The following PVR variants were observed in gnomAD, a reference collection of about 807,000 sequenced individuals.
PVR encodes the protein PVR cell adhesion molecule, also known as poliovirus receptor.
A neutral mutation model predicts 43.3 loss-of-function variants in PVR; 39 were observed. The observed-to-expected ratio is 0.90, with a 90% CI of 0.70 to 1.18. PVR has a LOEUF of 1.18. Among genes scored for constraint, PVR ranks in the 50% most tolerant of loss-of-function variants. The pLI, the probability that PVR is intolerant of heterozygous loss-of-function variation, is 0.00. For synonymous variants in PVR, 224 were observed against 233.2 expected (o/e 0.96, Z 0.36); for missense variants, 480 against 549.7 (o/e 0.87, Z 1.27).
chr19:44,660,195 G>C (rs1305483663), intron 6 of PVR, among the ~76,000 whole-genome samples: 1 of 152,112 alleles, frequency 6.6e-6, no homozygotes, highest in Non-Finnish European at 1.5e-5. Flanking sequence ...CCTACCACTG[G>C]GCCGGGCATA....
chr19:44,655,926 G>A (rs942442449), intron 4 of PVR, among the ~76,000 whole-genome samples: 5 of 132,004 alleles, frequency 3.8e-5, no homozygotes, highest in South Asian at 2.4e-4. Flanking sequence ...CTGTAGTGCC[G>A]TGGCACAATC....
At chr19:44,645,939 G>A (rs923047627) in intron 1 of PVR, among the ~76,000 whole-genome samples, 1 of 152,084 alleles carries the variant, frequency 6.6e-6, no homozygotes, top group South Asian at 2.1e-4. Flanking sequence ...ATAGGACCTG[G>A]GGGATTAGAG....
chr19:44,661,950 G>A lies in PVR; in HGVS notation c.*139G>A. ...CTGTGCCAGACCTCAAAACGACGGG[G>A]GCAGGTGCAAGTTCATAGGTCTCCA... On this transcript the variant is annotated 3_prime_UTR_variant, in exon 8 of 8. Coordinates refer to ENST00000425690, the MANE Select transcript of PVR (RefSeq NM_006505.5). 2 of 736,902 alleles carry A rather than the reference G, an allele frequency of 2.7e-6. No individual in the cohort carries two copies. The highest frequency in any genetic ancestry group is 2.7e-5 in the East Asian group (1 of 37,100). The allele number at this position is 736,902 out of a possible 1,614,324, so 45.6% of individuals were successfully genotyped here. A position where few individuals can be genotyped will look rare whatever the true frequency, so the allele number is the denominator to read the frequency against.
intron 7 of PVR, 47 bp from the exon 8 acceptor site, chr19:44,661,693 T>G: frequency 6.4e-7 from 1 of 1,563,312 alleles, no homozygotes; most frequent in East Asian, 2.2e-5. Flanking sequence ...GATGTTTGAT[T>G]TTGTTCAAAA....
At chr19:44,644,204 C>T (rs1186468484) in intron 1 of PVR, 29 bp downstream of exon 1, 4 of 1,458,042 alleles carry the variant, frequency 2.7e-6, no homozygotes. Flanking sequence ...GTCCGGTGGC[C>T]CCTGTCTGGC....
At chr19:44,648,627 T>G (rs1973194971) in intron 2 of PVR, among the ~76,000 whole-genome samples, 1 of 152,020 alleles carries the variant, frequency 6.6e-6, no homozygotes, top group Non-Finnish European at 1.5e-5. Flanking sequence ...ATTACAGGAA[T>G]GTGCCACCAT....
chr19:44,654,068 C>T (rs745765580), intron 4 of PVR, 51 bp downstream of exon 4: 1 of 1,437,700 alleles, frequency 7.0e-7, no homozygotes, highest in Admixed American at 1.7e-5. Flanking sequence ...ATTTCTAGCA[C>T]TGAGGGAGGA....
At chr19:44,657,970 C>T in intron 5 of PVR, 60 bp downstream of exon 5, 4 of 1,556,350 alleles carry the variant, frequency 2.6e-6, no homozygotes, top group Non-Finnish European at 3.5e-6. Flanking sequence ...GGCAGGGTTC[C>T]CTGTCTAATG....
At position 44,662,046 on chromosome 19, in the gene PVR, T is replaced by A; in HGVS notation, c.*235T>A. On this transcript the variant is annotated 3_prime_UTR_variant, in exon 8 of 8. Transcript: ENST00000425690. ...AAAGCTGTTAGGCTCACAGTTACAG[T>A]TTATTACAGTAAAAGGACAGAGATT... 1.8e-6 allele frequency: 1 copy of A among 551,418 alleles called. No homozygotes were observed. Among genetic ancestry groups the A allele is most frequent in the Non-Finnish European group, 3.3e-6 (1 of 306,336 alleles). 34.2% of individuals were successfully genotyped at this position (551,418 alleles called of 1,614,324 possible).
chr19:44,647,627 A>G, intron 2 of PVR, 57 bp downstream of exon 2: 1 of 1,437,798 alleles, frequency 7.0e-7, no homozygotes, highest in Non-Finnish European at 9.4e-7. Context: ...TGGGAGGATC[A>G]GGGAAGTTGG....
intron 1 of PVR, among the ~76,000 whole-genome samples, chr19:44,645,232 TATATA>T (rs1230992680): frequency 1.3e-4 from 10 of 77,470 alleles, no homozygotes; most frequent in Admixed American, 3.8e-4. Flanking sequence ...ATTATTATAA[TATATA>T]ATATGTATTA....
Position 44,653,713 on chromosome 19 carries a change from C to A in PVR, c.725-187C>A, listed in dbSNP as rs562796572. 64 of 566,402 alleles carry A rather than the reference C, an allele frequency of 1.1e-4. 1 individual carries two copies. The East Asian group carries it at 1.7e-3, about 15-fold the overall frequency. The allele number at this position is 566,402 out of a possible 1,614,324, so 35.1% of individuals were successfully genotyped here. A position where few individuals can be genotyped will look rare whatever the true frequency, so the allele number is the denominator to read the frequency against. On this transcript the variant is annotated intron_variant, in intron 3 of 7. Coordinates refer to ENST00000425690, the MANE Select transcript of PVR (RefSeq NM_006505.5). ...CTCAGAAGCCTTCTCCATGTCCCCA[C>A]TGACCAAGGACTCCTAGGCTTCTGC...
chr19:44,657,843 A>T lies in PVR; in HGVS notation c.924A>T (p.Thr308=). ...GTCCTGTGGACAAACCAATCAACAC[A>T]ACTTTAATCTGCAACGTCACCAATG... ...LIRPVDKPIN[T]TLICNVTNAL... is the part of the protein sequence containing the mutation. Residue 308 remains threonine (T), a synonymous_variant, in exon 5 of 8, where the codon ACA becomes ACT. Transcript: ENST00000425690. The T allele has an allele frequency of 6.2e-7, 1 of 1,613,980 alleles. No homozygotes were observed. Among genetic ancestry groups the T allele is most frequent in the Non-Finnish European group, 8.5e-7 (1 of 1,179,946 alleles).
chr19:44,647,578 G>C lies in PVR; in HGVS notation c.427+8G>C. The C allele has an allele frequency of 1.3e-6, 2 of 1,595,936 alleles. No homozygotes were observed. The highest frequency in any genetic ancestry group is 1.7e-6 in the Non-Finnish European group (2 of 1,169,494). Reference sequence around the variant, plus strand: ...TCTGGCTCCGAGTGCTTGGTGAGCAGGGGGTTTTGGGGAGGCTGAATGAAA... The same window carrying C: ...TCTGGCTCCGAGTGCTTGGTGAGCACGGGGTTTTGGGGAGGCTGAATGAAA... On this transcript the variant is annotated splice_region_variant and intron_variant, in intron 2 of 7. Coordinates refer to ENST00000425690, the MANE Select transcript of PVR (RefSeq NM_006505.5).
In PVR at chr19:44,647,333, C is replaced by G. The variant is rs894187714; in HGVS notation, c.190C>G (p.Leu64Val). The G allele has an allele frequency of 3.7e-6, 6 of 1,612,806 alleles. No individual in the cohort carries two copies. Among genetic ancestry groups the G allele is most frequent in the Non-Finnish European group, 5.1e-6 (6 of 1,179,498 alleles). ...PNMEVTHVSQ[L>V]TWARHGESGS... ...CATGGAGGTGACGCATGTGTCACAG[C>G]TGACTTGGGCGCGGCATGGTGAATC... The change falls in exon 2 of 8, where the codon CTG becomes GTG. Residue 64 changes from leucine to valine, a missense_variant. Coordinates refer to ENST00000425690, the MANE Select transcript of PVR (RefSeq NM_006505.5).
chr19:44,657,696 GT>G, intron 4 of PVR, 65 bp from the exon 5 acceptor site: 12 of 1,554,200 alleles, frequency 7.7e-6, no homozygotes, highest in Non-Finnish European at 1.1e-5. Flanking sequence ...CACGTAGTGC[GT>G]GCTCAATCAC....
At chr19:44,661,456 C>T (rs547114359) in intron 7 of PVR, 133 bp downstream of exon 7, 48 of 998,978 alleles carry the variant, frequency 4.8e-5, no homozygotes, top group Middle Eastern at 5.7e-4. Context: ...ATTTCCCAAC[C>T]CTTCCTGCTG....
intron 6 of PVR, among the ~76,000 whole-genome samples, chr19:44,659,674 G>A (rs758316322): frequency 1.6e-4 from 24 of 151,902 alleles, no homozygotes; most frequent in South Asian, 4.2e-4. Flanking sequence ...GAGAGACAGC[G>A]TTTCGCCATG....
At chr19:44,646,304 A>G (rs1255312166) in intron 1 of PVR, among the ~76,000 whole-genome samples, 5 of 152,078 alleles carry the variant, frequency 3.3e-5, no homozygotes, top group Admixed American at 2.6e-4. Context: ...AATCCCCCAC[A>G]TTCTTCCAAC....
Sources: gnomAD v4.1 joint callset for allele counts (sites outside exome capture counted in the v4.1 genomes callset) on GRCh38, gnomAD v4.1.1 for gene constraint, MANE v1.5 for transcripts, NCBI Gene and HGNC (gene_info 2026-07-23, HGNC 2026-07-21) for gene names.